The following FBXO8 variants were observed in gnomAD, a reference collection of about 807,000 sequenced individuals.
FBXO8 encodes F-box only protein 8.
A neutral mutation model predicts 33.4 loss-of-function variants in FBXO8; 15 were observed. That is an observed-to-expected ratio of 0.45 (90% CI 0.30 to 0.69). The LOEUF (loss-of-function observed/expected upper bound fraction) is 0.69. FBXO8 is among the 30% of genes least tolerant of loss of function. FBXO8 has a pLI of 0.08. For synonymous variants in FBXO8, 132 were observed against 131.5 expected, an observed-to-expected ratio of 1.00 and a Z score of -0.02; for missense variants, 274 against 380.3, an observed-to-expected ratio of 0.72 and a Z score of 2.32.
chr4:174,249,677 TC>T (rs1736242260), intron 3 of FBXO8, among the ~76,000 whole-genome samples: 1 of 152,022 alleles, frequency 6.6e-6, no homozygotes, highest in Non-Finnish European at 1.5e-5. Flanking sequence ...ATATACTTAA[TC>T]ATGTAACGTA....
chr4:174,242,308 T>C (rs1054306116), intron 3 of FBXO8, among the ~76,000 whole-genome samples: 2 of 151,610 alleles, frequency 1.3e-5, no homozygotes, highest in Non-Finnish European at 3.0e-5. Flanking sequence ...TGGAAGAATA[T>C]CTATAAAAAC....
rs566374601 is a variant in FBXO8 at position 174,270,686 on chromosome 4, G to A, written c.-8-7586C>T. On this transcript the variant is annotated intron_variant, in intron 1 of 5. Coordinates refer to ENST00000393674, the MANE Select transcript of FBXO8 (RefSeq NM_012180.3). This position sits in a 1 kb window ranked among gnomAD's most constrained non-coding sequence, Gnocchi z 4.6. ...AGCTGCAGTGCAATGGCGCGATCTC[G>A]GCTCACTGCAACCTCCACCTCCCAG... Among the ~76,000 whole-genome samples, 7 of 150,374 alleles carry A rather than the reference G, an allele frequency of 4.7e-5. No homozygotes were observed. The highest frequency in any genetic ancestry group is 7.4e-5 in the Non-Finnish European group (5 of 67,772).
At chr4:174,280,402 C>A (rs1737053972) in intron 1 of FBXO8, among the ~76,000 whole-genome samples, 1 of 151,980 alleles carries the variant, frequency 6.6e-6, no homozygotes, top group Admixed American at 6.5e-5. Flanking sequence ...ACGTATGGTA[C>A]AGCCTCTGCG....
At position 174,277,479 on chromosome 4, in the gene FBXO8, T is replaced by G. The variant is rs1299951416; in HGVS notation, c.-9+5931A>C. Among the ~76,000 whole-genome samples, 1 of 152,060 alleles carries G rather than the reference T, an allele frequency of 6.6e-6. No individual in the cohort carries two copies. The highest frequency in any genetic ancestry group is 6.5e-5 in the Admixed American group (1 of 15,274). Reference sequence around the variant, plus strand: ...CACATGCTGTGCAGACAATAAGTAATGAAGAATGGTTTATATACTATTTGG... The same window carrying G: ...CACATGCTGTGCAGACAATAAGTAAGGAAGAATGGTTTATATACTATTTGG... On this transcript the variant is annotated intron_variant, in intron 1 of 5. Transcript: ENST00000393674. The surrounding 1 kb of genome is among the most constrained non-coding windows in gnomAD (Gnocchi z 4.9).
rs908004966 is a variant in FBXO8 at position 174,280,924 on chromosome 4, TA to T, written c.-9+2485del. On this transcript the variant is annotated intron_variant, in intron 1 of 5. Coordinates refer to ENST00000393674, the MANE Select transcript of FBXO8 (RefSeq NM_012180.3). ...GGTATAGAGTTTCAGTTTTACAAGA[TA>T]AAAAGAGTAATGAAGATAGATGGTG... 4.8e-4 allele frequency among the ~76,000 whole-genome samples: 73 copies of T among 152,208 alleles called. 2 individuals carry two copies. Among genetic ancestry groups the T allele is most frequent in the African/African-American group, 1.7e-3 (69 of 41,528 alleles).
At chr4:174,280,769 T>A (rs1490632098) in intron 1 of FBXO8, among the ~76,000 whole-genome samples, 1 of 152,186 alleles carries the variant, frequency 6.6e-6, no homozygotes, top group Non-Finnish European at 1.5e-5. Context: ...CCCATTTATA[T>A]GAGGTTTTGG....
At chr4:174,250,608 C>T (rs188268353) in intron 3 of FBXO8, among the ~76,000 whole-genome samples, 127 of 152,034 alleles carry the variant, frequency 8.4e-4, no homozygotes, top group Admixed American at 4.7e-3. Context: ...AAGAAGAAAA[C>T]GTTATATAGT....
rs1392559879 is a variant in FBXO8 at position 174,277,066 on chromosome 4, G to A, written c.-9+6344C>T. On this transcript the variant is annotated intron_variant, in intron 1 of 5. Transcript: ENST00000393674. This position sits in a 1 kb window ranked among gnomAD's most constrained non-coding sequence, Gnocchi z 4.9. The stretch of plus-strand genomic sequence containing the variant: ...AAAGTAGCAGTTTTAGTCTAACCAA[G>A]TCTGTTACAACAGCATAAAAGCGCT... Among the ~76,000 whole-genome samples the A allele has an allele frequency of 6.6e-6, 1 of 152,100 alleles. No individual in the cohort carries two copies. Among genetic ancestry groups the A allele is most frequent in the Non-Finnish European group, 1.5e-5 (1 of 68,012 alleles).
Position 174,263,731 on chromosome 4 carries a change from G to A in FBXO8, c.-8-631C>T, listed in dbSNP as rs2126438476. Among the ~76,000 whole-genome samples the A allele has an allele frequency of 6.6e-6, 1 of 152,210 alleles. No homozygotes were observed. The highest frequency in any genetic ancestry group is 2.4e-5 in the African/African-American group (1 of 41,548). On this transcript the variant is annotated intron_variant, in intron 1 of 5. Transcript: ENST00000393674. The surrounding 1 kb of genome is among the most constrained non-coding windows in gnomAD (Gnocchi z 4.2). ...CGGTAACAGTAGACTATTTAGTTTT[G>A]TTGTTGCCTTAAATTAAAAATTGTA...
rs139338292 is a variant in FBXO8, at chr4:174,267,738, A to AT, written c.-8-4639dup. The stretch of plus-strand genomic sequence containing the variant: ...TTTCAGATTTGTGTTAAAAGTTTTA[A>AT]TAATATCTTGGTATAAAGATTTTAA... On this transcript the variant is annotated intron_variant, in intron 1 of 5. Transcript: ENST00000393674. This position sits in a 1 kb window ranked among gnomAD's most constrained non-coding sequence, Gnocchi z 4.7. Among the ~76,000 whole-genome samples, 10,329 of 152,262 alleles carry AT rather than the reference A, an allele frequency of 0.068. 456 individuals are homozygous for AT. The highest frequency in any genetic ancestry group is 0.1 in the Middle Eastern group (30 of 294).
chr4:174,276,955 A>G (rs973959530), intron 1 of FBXO8, among the ~76,000 whole-genome samples: 1 of 152,220 alleles, frequency 6.6e-6, no homozygotes, highest in South Asian at 2.1e-4. Context: ...GAGAATGTAT[A>G]TAAAAGCATC....
At chr4:174,238,660 A>T (rs1044118450) in intron 5 of FBXO8, among the ~76,000 whole-genome samples, 6 of 150,058 alleles carry the variant, frequency 4.0e-5, no homozygotes, top group Non-Finnish European at 7.4e-5. Flanking sequence ...GTATATAGAC[A>T]TAGACATTTG....
Position 174,259,839 on chromosome 4 carries a change from G to GA in FBXO8, c.330-15dup. The stretch of plus-strand genomic sequence containing the variant: ...GATTTGCACAACCTATAAAATCAGA[G>GA]AAAATGAGACAAGAAAACATTACTA... On this transcript the variant is annotated splice_polypyrimidine_tract_variant and intron_variant, in intron 2 of 5. Coordinates refer to ENST00000393674, the MANE Select transcript of FBXO8 (RefSeq NM_012180.3). This position sits in a 1 kb window ranked among gnomAD's most constrained non-coding sequence, Gnocchi z 4.3. 6.4e-7 allele frequency: 1 copy of GA among 1,561,800 alleles called. No individual in the cohort carries two copies. The highest frequency in any genetic ancestry group is 1.2e-5 in the South Asian group (1 of 82,368).
rs1736981635 is a variant in FBXO8, at chr4:174,277,267, T to G, written c.-9+6143A>C. 6.6e-6 allele frequency among the ~76,000 whole-genome samples: 1 copy of G among 152,194 alleles called. No individual in the cohort carries two copies. The highest frequency in any genetic ancestry group is 2.1e-4 in the South Asian group (1 of 4,832). On this transcript the variant is annotated intron_variant, in intron 1 of 5. Coordinates refer to ENST00000393674, the MANE Select transcript of FBXO8 (RefSeq NM_012180.3). This position sits in a 1 kb window ranked among gnomAD's most constrained non-coding sequence, Gnocchi z 4.9. ...TTTCCTATTCAAAATAGTAGACTAT[T>G]TCTTAAAAAGACTAAAATACAAGTT...
intron 1 of FBXO8, among the ~76,000 whole-genome samples, chr4:174,268,042 T>C (rs1386360211): frequency 6.6e-6 from 1 of 152,224 alleles, no homozygotes; most frequent in Non-Finnish European, 1.5e-5. Flanking sequence ...TCTAAGAGCA[T>C]AGTCTATGTT....
rs1184930278 is a variant in FBXO8, at chr4:174,256,060, G to A, written c.456+3639C>T. On this transcript the variant is annotated intron_variant, in intron 3 of 5. Transcript: ENST00000393674. This position sits in a 1 kb window ranked among gnomAD's most constrained non-coding sequence, Gnocchi z 4.6. ...GTGCAGATGTTCTCCCCCACCCCAT[G>A]AGCCACTGCCAGCAGCTGCTGTGGA... 5 of 455,844 alleles carry A rather than the reference G, an allele frequency of 1.1e-5. No individual in the cohort carries two copies. Among genetic ancestry groups the A allele is most frequent in the African/African-American group, 4.0e-5 (2 of 50,064 alleles). The allele number at this position is 455,844 out of a possible 1,614,324, so 28.2% of individuals were successfully genotyped here. A position where few individuals can be genotyped will look rare whatever the true frequency, so the allele number is the denominator to read the frequency against.
Position 174,267,067 on chromosome 4 carries a change from G to GT in FBXO8, c.-8-3968dup, listed in dbSNP as rs1377927949. On this transcript the variant is annotated intron_variant, in intron 1 of 5. Coordinates refer to ENST00000393674, the MANE Select transcript of FBXO8 (RefSeq NM_012180.3). This position sits in a 1 kb window ranked among gnomAD's most constrained non-coding sequence, Gnocchi z 4.7. ...TTTAGTTATTTCATATTGTGACCAT[G>GT]TTTTTATGTTGTTTCTTCTTGTAAA... is the stretch of plus-strand genomic sequence containing the variant. 6.6e-6 allele frequency among the ~76,000 whole-genome samples: 1 copy of GT among 152,028 alleles called. No homozygotes were observed. The highest frequency in any genetic ancestry group is 2.4e-5 in the African/African-American group (1 of 41,388).
chr4:174,241,116 T>C lies in FBXO8; in HGVS notation c.559A>G (p.Ile187Val), dbSNP rs746525876. ...TRTLNWKKLRIYLDERRDVLD... is the reference protein window; with the variant it reads ...TRTLNWKKLRVYLDERRDVLD... ...CGTTTTTACCTTTCATCAAGATAGA[T>C]TCTCAGTTTTTTCCAATTTAGTGTT... The change falls in exon 4 of 6, where the codon ATC becomes GTC. Residue 187 changes from isoleucine (I) to valine (V), a missense_variant. Coordinates refer to ENST00000393674, the MANE Select transcript of FBXO8 (RefSeq NM_012180.3). This position sits in a 1 kb window ranked among gnomAD's most constrained non-coding sequence, Gnocchi z 4.2. 60 of 1,596,624 alleles carry C rather than the reference T, an allele frequency of 3.8e-5. No individual in the cohort carries two copies. Among genetic ancestry groups the C allele is most frequent in the Non-Finnish European group, 5.1e-5 (59 of 1,167,660 alleles).
chr4:174,264,766 C>G (rs1579032302), intron 1 of FBXO8, among the ~76,000 whole-genome samples: 1 of 149,724 alleles, frequency 6.7e-6, no homozygotes, highest in East Asian at 2.0e-4. Context: ...TTTCCTAAAT[C>G]AGTGGTTAAG....
Sources: gnomAD v4.1 joint callset for allele counts (sites outside exome capture counted in the v4.1 genomes callset) on GRCh38, gnomAD v4.1.1 for gene constraint, Gnocchi (gnomAD v3.1) non-coding constraint, MANE v1.5 for transcripts, NCBI Gene and HGNC (gene_info 2026-07-23, HGNC 2026-07-21) for gene names.